PCDH9: variants seen among roughly 807,000 people sequenced by gnomAD.
PCDH9 encodes protocadherin-9.
Under a neutral mutation model 70.6 loss-of-function variants are expected in PCDH9, and 24 were observed. The observed-to-expected ratio is 0.34, with a 90% CI of 0.25 to 0.48. PCDH9 has a LOEUF of 0.48. Among genes scored for constraint, PCDH9 ranks in the 20% least tolerant of loss-of-function variants. The pLI is 0.99. For synonymous variants in PCDH9, 562 were observed against 558.5 expected, an observed-to-expected ratio of 1.01 and a Z score of -0.09; for missense variants, 1,281 against 1,503.6, an observed-to-expected ratio of 0.85 and a Z score of 2.45.
At chr13:66,571,197 T>C (rs966012967) in intron 4 of PCDH9, among the ~76,000 whole-genome samples, 1 of 152,086 alleles carries the variant, frequency 6.6e-6, no homozygotes, top group African/African-American at 2.4e-5. Context: ...TAAGTTATCC[T>C]ATACAAATAG....
At chr13:67,157,420 G>A (rs988005167) in intron 2 of PCDH9, among the ~76,000 whole-genome samples, 1 of 152,080 alleles carries the variant, frequency 6.6e-6, no homozygotes, top group African/African-American at 2.4e-5. Context: ...TTAAATGAAT[G>A]GATGTAAATT....
chr13:66,324,681 C>T (rs185456033), intron 4 of PCDH9, among the ~76,000 whole-genome samples: 5 of 151,890 alleles, frequency 3.3e-5, no homozygotes, highest in Admixed American at 2.6e-4. Context: ...GAGAGTGGCA[C>T]AGAAAAGCTA....
At chr13:67,183,302 G>A (rs2088665074) in intron 2 of PCDH9, among the ~76,000 whole-genome samples, 1 of 152,136 alleles carries the variant, frequency 6.6e-6, no homozygotes, top group South Asian at 2.1e-4. Context: ...CTAAGCATGT[G>A]AAGTGGAATT....
intron 2 of PCDH9, among the ~76,000 whole-genome samples, chr13:66,942,372 G>T (rs916004010): frequency 6.6e-6 from 1 of 151,760 alleles, no homozygotes; most frequent in Non-Finnish European, 1.5e-5. Flanking sequence ...CCAATATTTG[G>T]TTCTTTGATG....
intron 2 of PCDH9, among the ~76,000 whole-genome samples, chr13:67,106,784 C>G (rs956614749): frequency 1.6e-4 from 24 of 152,326 alleles, no homozygotes; most frequent in Admixed American, 5.9e-4. Context: ...CACTGCTTGG[C>G]CTTCCCCTGG....
chr13:66,997,775 C>G (rs1329601863), intron 2 of PCDH9, among the ~76,000 whole-genome samples: 1 of 152,074 alleles, frequency 6.6e-6, no homozygotes, highest in South Asian at 2.1e-4. Flanking sequence ...CCTCGTGATC[C>G]GCCTGCCTTG....
intron 4 of PCDH9, among the ~76,000 whole-genome samples, chr13:66,502,490 C>T (rs139283473): frequency 1.1e-3 from 170 of 151,996 alleles, no homozygotes; most frequent in African/African-American, 3.6e-3. Flanking sequence ...CTTTTGGTAA[C>T]AAAACTATAT....
chr13:66,594,817 C>A (rs1444400155), intron 4 of PCDH9, among the ~76,000 whole-genome samples: 1 of 151,618 alleles, frequency 6.6e-6, no homozygotes, highest in Non-Finnish European at 1.5e-5. Flanking sequence ...CATGTCCCTG[C>A]AAAGGACATA....
At chr13:66,967,720 A>G (rs2139739899) in intron 2 of PCDH9, among the ~76,000 whole-genome samples, 1 of 152,166 alleles carries the variant, frequency 6.6e-6, no homozygotes, top group East Asian at 1.9e-4. Context: ...TTGACATCCA[A>G]GTTTTAATTT....
chr13:66,868,673 G>C (rs1417385681), intron 3 of PCDH9, among the ~76,000 whole-genome samples: 1 of 152,070 alleles, frequency 6.6e-6, no homozygotes. Context: ...AAATTTGCCA[G>C]TGAAATAAAT....
At chr13:66,926,153 A>G (rs1184591540) in intron 2 of PCDH9, among the ~76,000 whole-genome samples, 1 of 151,850 alleles carries the variant, frequency 6.6e-6, no homozygotes, top group Admixed American at 6.6e-5. Flanking sequence ...TAGTGCCTGG[A>G]AAAAAAATGA....
At chr13:67,202,173 A>C (rs1293645567) in intron 2 of PCDH9, 1 of 152,048 alleles carries the variant, frequency 6.6e-6, no homozygotes, top group Admixed American at 6.6e-5. Context: ...AGGTGAGGAG[A>C]AGGACCATTC....
At chr13:67,163,495 A>G (rs1466998521) in intron 2 of PCDH9, among the ~76,000 whole-genome samples, 1 of 152,190 alleles carries the variant, frequency 6.6e-6, no homozygotes, top group African/African-American at 2.4e-5. Flanking sequence ...TTCAGAGCGC[A>G]TTTGGTATAA....
At chr13:66,740,081 T>C (rs1245638163) in intron 3 of PCDH9, among the ~76,000 whole-genome samples, 2 of 146,980 alleles carry the variant, frequency 1.4e-5, no homozygotes, top group Admixed American at 1.4e-4. Context: ...ATTGACCACA[T>C]AGTTGGAAGT....
chr13:67,001,072 C>T (rs2084234163), intron 2 of PCDH9, among the ~76,000 whole-genome samples: 1 of 152,138 alleles, frequency 6.6e-6, no homozygotes, highest in Non-Finnish European at 1.5e-5. Context: ...TTTAGAAAGG[C>T]AAACTATCTT....
chr13:67,004,942 T>A (rs1019941928), intron 2 of PCDH9, among the ~76,000 whole-genome samples: 20 of 152,126 alleles, frequency 1.3e-4, no homozygotes, highest in African/African-American at 4.8e-4. Context: ...GAAAGGGGAC[T>A]ATTTTGAAGT....
chr13:66,304,547 C>G lies in PCDH9; in HGVS notation c.*108G>C. The stretch of plus-strand genomic sequence containing the variant: ...GGTGCTAACACAAAGTTATAGGTAT[C>G]CCTGCTAGAAGGGGCATAGTTGTAG... On this transcript the variant is annotated 3_prime_UTR_variant, in exon 5 of 5. Coordinates refer to ENST00000377865, the MANE Select transcript of PCDH9 (RefSeq NM_203487.3). 1 of 823,436 alleles carries G rather than the reference C, an allele frequency of 1.2e-6. No homozygotes were observed. Among genetic ancestry groups the G allele is most frequent in the South Asian group, 1.7e-5 (1 of 59,988 alleles). The allele number at this position is 823,436 out of a possible 1,614,324, so 51.0% of individuals were successfully genotyped here.
intron 2 of PCDH9, among the ~76,000 whole-genome samples, chr13:67,087,488 A>G (rs2086131897): frequency 6.6e-6 from 1 of 152,182 alleles, no homozygotes; most frequent in South Asian, 2.1e-4. Flanking sequence ...TAATTCAACC[A>G]TTACTCACAG....
intron 4 of PCDH9, among the ~76,000 whole-genome samples, chr13:66,465,466 G>A (rs1448795752): frequency 6.6e-6 from 1 of 151,740 alleles, no homozygotes; most frequent in Non-Finnish European, 1.5e-5. Flanking sequence ...TTCAGTAAAA[G>A]GTAAGTATAT....
Sources: gnomAD v4.1 joint callset for allele counts (sites outside exome capture counted in the v4.1 genomes callset) on GRCh38, gnomAD v4.1.1 for gene constraint, MANE v1.5 for transcripts, NCBI Gene and HGNC (gene_info 2026-07-23, HGNC 2026-07-21) for gene names.